CORO1C: variants seen among roughly 807,000 people sequenced by gnomAD.
CORO1C encodes coronin-1C.
Under a neutral mutation model 51.2 loss-of-function variants are expected in CORO1C, and 14 were observed. The observed-to-expected ratio is 0.27, with a 90% confidence interval of 0.18 to 0.43. The LOEUF (loss-of-function observed/expected upper bound fraction) is 0.43, where lower values mean the gene tolerates loss of function less well. Among genes scored for constraint, CORO1C ranks in the 20% least tolerant of loss-of-function variants. The probability of loss-of-function intolerance (pLI) is 1.00; values close to 1 mark genes in which losing one functional copy is unlikely to be tolerated. For missense variants in CORO1C, 417 were observed against 607.8 expected (o/e 0.69, Z 3.30); for synonymous variants, 181 against 210.5 (o/e 0.86, Z 1.21).
At chr12:108,702,907 T>C (rs768370170) in intron 1 of CORO1C, 1 of 1,535,706 alleles carries the variant, frequency 6.5e-7, no homozygotes, top group South Asian at 1.2e-5. Flanking sequence ...TTAGCCCAGC[T>C]GTTATTGCCA....
intron 2 of CORO1C, among the ~76,000 whole-genome samples, chr12:108,692,066 AT>A (rs1475601738): frequency 6.6e-6 from 1 of 151,130 alleles, no homozygotes; most frequent in African/African-American, 2.4e-5. Context: ...GTGGCACTTC[AT>A]GTGGTAATGA....
chr12:108,689,104 G>A (rs2034407673), intron 2 of CORO1C, among the ~76,000 whole-genome samples: 1 of 152,052 alleles, frequency 6.6e-6, no homozygotes, highest in South Asian at 2.1e-4. Flanking sequence ...GGAGGCTGAG[G>A]TGGGAGAATC....
intron 2 of CORO1C, among the ~76,000 whole-genome samples, chr12:108,695,827 G>GCTATGTAT (rs1218679014): frequency 7.2e-6 from 1 of 139,628 alleles, no homozygotes; most frequent in Non-Finnish European, 1.5e-5. Flanking sequence ...TAGAAGACTG[G>GCTATGTAT]CTATGTATCA....
At chr12:108,682,226 G>A (rs535091480) in intron 2 of CORO1C, among the ~76,000 whole-genome samples, 8 of 151,998 alleles carry the variant, frequency 5.3e-5, no homozygotes, top group East Asian at 3.9e-4. Context: ...CAAAGATGGT[G>A]GAAATAAAAC....
chr12:108,705,214 C>T (rs2034991188), intron 1 of CORO1C, among the ~76,000 whole-genome samples: 1 of 152,078 alleles, frequency 6.6e-6, no homozygotes, highest in Non-Finnish European at 1.5e-5. Flanking sequence ...CATGGTGGCT[C>T]ACGCCTGTAA....
At chr12:108,662,180 T>TGG in intron 3 of CORO1C, 22 bp from the exon 4 acceptor site, 1 of 1,609,966 alleles carries the variant, frequency 6.2e-7, no homozygotes, top group South Asian at 1.1e-5. Context: ...GGAAGAAAGA[T>TGG]GATCCACATG....
At chr12:108,726,850 C>G (rs183170991) in intron 1 of CORO1C, among the ~76,000 whole-genome samples, 1 of 152,252 alleles carries the variant, frequency 6.6e-6, no homozygotes, top group African/African-American at 2.4e-5. Context: ...CCAGTCATTA[C>G]TGTTCATCGG....
At chr12:108,700,939 C>T (rs988099300) in intron 2 of CORO1C, 185 bp downstream of exon 2, 10 of 665,412 alleles carry the variant, frequency 1.5e-5, no homozygotes, top group Admixed American at 1.4e-4. Flanking sequence ...GGTCACTATT[C>T]TATTTAATGA....
chr12:108,711,775 A>C (rs2035188121), intron 1 of CORO1C, among the ~76,000 whole-genome samples: 1 of 152,128 alleles, frequency 6.6e-6, no homozygotes, highest in African/African-American at 2.4e-5. Flanking sequence ...TTTATATTGC[A>C]ACAGCACCAA....
chr12:108,708,137 T>G (rs1411397891), intron 1 of CORO1C, among the ~76,000 whole-genome samples: 1 of 152,144 alleles, frequency 6.6e-6, no homozygotes, highest in Non-Finnish European at 1.5e-5. Context: ...TATACACTCA[T>G]AAGAACTGAA....
chr12:108,698,580 T>C (rs949756711), intron 2 of CORO1C, among the ~76,000 whole-genome samples: 16 of 152,218 alleles, frequency 1.1e-4, no homozygotes, highest in African/African-American at 3.9e-4. Context: ...CTAATTTTTG[T>C]ATTTTTAGTA....
Position 108,658,785 on chromosome 12 carries a change from C to T in CORO1C, c.583G>A (p.Asp195Asn), listed in dbSNP as rs1188357177. 2 of 1,613,320 alleles carry T rather than the reference C, an allele frequency of 1.2e-6. No individual in the cohort carries two copies. Among genetic ancestry groups the T allele is most frequent in the East Asian group, 2.2e-5 (1 of 44,874 alleles). Reference sequence around the variant, plus strand: ...GGATCAATGACTCTCACTTTCTTGTCTTTGGAAGCTGTGCAGATCAGACTG... The same window carrying T: ...GGATCAATGACTCTCACTTTCTTGTTTTTGGAAGCTGTGCAGATCAGACTG... Reference protein sequence around the residue: ...NGSLICTASKDKKVRVIDPRK... With the variant: ...NGSLICTASKNKKVRVIDPRK... Residue 195 changes from aspartate to asparagine, a missense_variant, in exon 5 of 11, where the codon GAC (aspartate) becomes AAC (asparagine). Transcript: ENST00000261401. This position sits in a 1 kb window ranked among gnomAD's most constrained non-coding sequence, Gnocchi z 4.9.
At chr12:108,683,418 C>CAAA (rs372937354) in intron 2 of CORO1C, among the ~76,000 whole-genome samples, 43 of 84,654 alleles carry the variant, frequency 5.1e-4, no homozygotes, top group Non-Finnish European at 1.1e-3. Context: ...GACTCTGTCT[C>CAAA]AAAAAAAAAA....
At chr12:108,652,457 C>A (rs756808159) in intron 7 of CORO1C, 40 bp from the exon 8 acceptor site, 1 of 1,561,504 alleles carries the variant, frequency 6.4e-7, no homozygotes, top group East Asian at 2.2e-5. Flanking sequence ...TGATTGTTAA[C>A]TGAAACATCT....
chr12:108,653,481 G>A (rs774248993), intron 7 of CORO1C, among the ~76,000 whole-genome samples: 4 of 152,112 alleles, frequency 2.6e-5, no homozygotes, highest in African/African-American at 4.8e-5. Context: ...CCCAGTGAAG[G>A]GCTATCTAAC....
Position 108,648,628 on chromosome 12 carries a change from T to C in CORO1C, c.1282A>G (p.Lys428Glu). 1 of 1,614,186 alleles carries C rather than the reference T, an allele frequency of 6.2e-7. No individual in the cohort carries two copies. The change falls in exon 10 of 11, where the codon AAA becomes GAA. Residue 428 changes from lysine (K) to glutamate (E), a missense_variant. Physicochemically the swap from Lys to Glu is moderately conservative, Grantham distance 56. Transcript: ENST00000261401. ...ACCACACTGGCCGTGTCTGTGGTTT[T>C]CTTGGGGATGCTGATCAGGTCGCAC... ...KKCDLISIPK[K>E]TTDTASVQNE...
In CORO1C at chr12:108,669,453, G is replaced by A. The variant is rs371978869; in HGVS notation, c.319-7295C>T. Among the ~76,000 whole-genome samples the A allele has an allele frequency of 3.3e-5, 5 of 152,060 alleles. No individual in the cohort carries two copies. In the South Asian group the frequency reaches 1.0e-3, roughly 32 times the overall value. On this transcript the variant is annotated intron_variant, in intron 3 of 10. Transcript: ENST00000261401. ...CGTTTACAGCTTCCTTTTGACTCTC[G>A]ATAGGCATATTATTATCATACCTCC...
At chr12:108,682,253 T>C (rs975019388) in intron 2 of CORO1C, among the ~76,000 whole-genome samples, 1 of 151,882 alleles carries the variant, frequency 6.6e-6, no homozygotes, top group African/African-American at 2.4e-5. Context: ...TAAATCATGA[T>C]TTGTAGTAAA....
Position 108,646,440 on chromosome 12 carries a change from C to A in CORO1C, c.*963G>T. ...CTGCTGAAAAGGGCAAGAAGGAACA[C>A]TCAGCAGTACACGTCTTCCTGTCCT... On this transcript the variant is annotated 3_prime_UTR_variant, in exon 11 of 11. Transcript: ENST00000261401. 1 of 152,400 alleles carries A rather than the reference C, an allele frequency of 6.6e-6. No homozygotes were observed. The highest frequency in any genetic ancestry group is 1.5e-5 in the Non-Finnish European group (1 of 68,086). 9.4% of individuals were successfully genotyped at this position (152,400 alleles called of 1,614,324 possible).
Sources: allele counts gnomAD v4.1 joint callset (sites outside exome capture counted in the v4.1 genomes callset), GRCh38; gene constraint gnomAD v4.1.1; non-coding constraint Gnocchi (gnomAD v3.1); transcripts MANE v1.5; gene names NCBI Gene and HGNC (gene_info 2026-07-23, HGNC 2026-07-21).